SLC35F1: variants seen among roughly 807,000 people sequenced by gnomAD.
The protein encoded by SLC35F1 is chromosome 6 open reading frame 169.
Under a neutral mutation model 48.7 loss-of-function variants are expected in SLC35F1, and 14 were observed. The observed-to-expected ratio is 0.29, with a 90% CI of 0.19 to 0.45. The LOEUF is 0.45. SLC35F1 is among the 20% of genes least tolerant of loss of function. The pLI, the probability that SLC35F1 is intolerant of heterozygous loss-of-function variation, is 1.00. For missense variants in SLC35F1, 404 were observed against 500.0 expected (o/e 0.81, Z 1.83); for synonymous variants, 190 against 202.2 (o/e 0.94, Z 0.51).
intron 1 of SLC35F1, among the ~76,000 whole-genome samples, chr6:118,110,043 T>C (rs1377415467): frequency 3.3e-5 from 5 of 152,168 alleles, no homozygotes; most frequent in Non-Finnish European, 7.4e-5. Flanking sequence ...CGGTAAGTCT[T>C]ACAAAGGAAA....
At chr6:118,033,218 G>A (rs899491171) in intron 1 of SLC35F1, among the ~76,000 whole-genome samples, 3 of 147,634 alleles carry the variant, frequency 2.0e-5, no homozygotes, top group Non-Finnish European at 2.9e-5. Context: ...TTATTGAATG[G>A]CATTTTATTG....
chr6:118,001,929 A>G (rs1271693878), intron 1 of SLC35F1, among the ~76,000 whole-genome samples: 6 of 150,212 alleles, frequency 4.0e-5, no homozygotes, highest in East Asian at 2.0e-4. Context: ...TAGAATGGCA[A>G]TCATTAAAAA....
intron 1 of SLC35F1, among the ~76,000 whole-genome samples, chr6:118,106,459 A>G (rs1260469727): frequency 6.6e-6 from 1 of 152,146 alleles, no homozygotes; most frequent in Non-Finnish European, 1.5e-5. Context: ...TTACCCTGCC[A>G]TGTACTCCAT....
chr6:118,070,664 C>G (rs1041108610), intron 1 of SLC35F1, among the ~76,000 whole-genome samples: 2 of 151,526 alleles, frequency 1.3e-5, no homozygotes, highest in African/African-American at 4.8e-5. Context: ...CAGAATATTT[C>G]TAAATAATAT....
chr6:118,190,567 G>C (rs1166670802), intron 2 of SLC35F1, among the ~76,000 whole-genome samples: 1 of 152,114 alleles, frequency 6.6e-6, no homozygotes, highest in Non-Finnish European at 1.5e-5. Flanking sequence ...TCATTCATAG[G>C]TTTGGTATCC....
At position 118,315,275 on chromosome 6, in the gene SLC35F1, A is replaced by T. The variant is rs1776418060; in HGVS notation, c.*1023A>T. 6.6e-6 allele frequency: 1 copy of T among 152,546 alleles called. No individual in the cohort carries two copies. Among genetic ancestry groups the T allele is most frequent in the African/African-American group, 2.4e-5 (1 of 41,416 alleles). The allele number at this position is 152,546 out of a possible 1,614,324, so 9.4% of individuals were successfully genotyped here. A position where few individuals can be genotyped will look rare whatever the true frequency, so the allele number is the denominator to read the frequency against. ...ATTGTGGAAAATCATTGGTTGTGCC[A>T]CCTCCTAACAAAGTCAAGGTGCTGA... is the stretch of plus-strand genomic sequence containing the variant. On this transcript the variant is annotated 3_prime_UTR_variant, in exon 8 of 8. Coordinates refer to ENST00000360388, the MANE Select transcript of SLC35F1 (RefSeq NM_001029858.4).
chr6:118,015,444 G>A (rs1349447826), intron 1 of SLC35F1, among the ~76,000 whole-genome samples: 3 of 151,252 alleles, frequency 2.0e-5, no homozygotes, highest in Admixed American at 1.3e-4. Flanking sequence ...CTCCTTCCTT[G>A]TACCCTTTAT....
intron 1 of SLC35F1, among the ~76,000 whole-genome samples, chr6:118,087,854 A>T (rs1328299129): frequency 6.6e-6 from 1 of 152,212 alleles, no homozygotes; most frequent in African/African-American, 2.4e-5. Flanking sequence ...CATGTAAGAT[A>T]GTGAGCACCT....
chr6:118,052,848 T>C (rs1772410063), intron 1 of SLC35F1, among the ~76,000 whole-genome samples: 1 of 152,178 alleles, frequency 6.6e-6, no homozygotes, highest in African/African-American at 2.4e-5. Context: ...AAAAATGTAG[T>C]TTCTTTCCCT....
chr6:118,033,425 T>G (rs532178523), intron 1 of SLC35F1, among the ~76,000 whole-genome samples: 2 of 152,310 alleles, frequency 1.3e-5, no homozygotes, highest in African/African-American at 4.8e-5. Context: ...GAGTTATTTT[T>G]GGGTGCATTA....
chr6:118,224,511 G>A (rs1775190000), intron 2 of SLC35F1, among the ~76,000 whole-genome samples: 1 of 152,036 alleles, frequency 6.6e-6, no homozygotes, highest in Non-Finnish European at 1.5e-5. Flanking sequence ...CCTCCCACCT[G>A]AGCCTCCTGA....
At chr6:118,109,149 G>A (rs1394587274) in intron 1 of SLC35F1, among the ~76,000 whole-genome samples, 1 of 152,160 alleles carries the variant, frequency 6.6e-6, no homozygotes, top group East Asian at 1.9e-4. Flanking sequence ...GAAAAAGTAA[G>A]GCAAAGCGTT....
At position 118,154,601 on chromosome 6, in the gene SLC35F1, C is replaced by T; in HGVS notation, c.330C>T (p.Thr110=). ...NYILLFLVYT[T]TLAVRQGEEN... is the part of the protein sequence containing the mutation. ...TTCTTCTCTTCTTGGTCTATACCAC[C>T]ACACTAGCCGTCAGACAAGGTAAGC... Residue 110 remains threonine, a synonymous_variant, in exon 2 of 8, where the codon ACC becomes ACT. Transcript: ENST00000360388. The T allele has an allele frequency of 6.2e-7, 1 of 1,611,658 alleles. No individual in the cohort carries two copies. The highest frequency in any genetic ancestry group is 8.5e-7 in the Non-Finnish European group (1 of 1,178,914).
intron 1 of SLC35F1, among the ~76,000 whole-genome samples, chr6:118,076,736 T>G (rs1772824537): frequency 6.6e-6 from 1 of 152,220 alleles, no homozygotes. Context: ...AAATAATTCA[T>G]ATTCTCACCA....
At chr6:117,978,350 G>A (rs946154864) in intron 1 of SLC35F1, among the ~76,000 whole-genome samples, 1 of 150,844 alleles carries the variant, frequency 6.6e-6, no homozygotes, top group African/African-American at 2.4e-5. Flanking sequence ...CCAGTTGTAT[G>A]GAGTCTGTCA....
At position 118,119,130 on chromosome 6, in the gene SLC35F1, A is replaced by G. The variant is rs1415642275; in HGVS notation, c.174-35315A>G. Reference sequence around the variant, plus strand: ...GCTTAAAGTAAGATAAGTATTGCTCAGTGGTCATTCCTTCATATGTCTGAG... The same window carrying G: ...GCTTAAAGTAAGATAAGTATTGCTCGGTGGTCATTCCTTCATATGTCTGAG... On this transcript the variant is annotated intron_variant, in intron 1 of 7. Transcript: ENST00000360388. Among the ~76,000 whole-genome samples the G allele has an allele frequency of 2.0e-5, 3 of 152,128 alleles. No homozygotes were observed. In the East Asian group the frequency reaches 5.8e-4, roughly 29 times the overall value.
chr6:117,963,734 C>G (rs556917942), intron 1 of SLC35F1, among the ~76,000 whole-genome samples: 1 of 152,082 alleles, frequency 6.6e-6, no homozygotes, highest in African/African-American at 2.4e-5. Flanking sequence ...TTATTGATGA[C>G]CCTTACTTTG....
chr6:118,133,843 T>C (rs1456604988), intron 1 of SLC35F1, among the ~76,000 whole-genome samples: 2 of 152,212 alleles, frequency 1.3e-5, no homozygotes, highest in Non-Finnish European at 2.9e-5. Flanking sequence ...CTGTGGGCAT[T>C]CTCAGGAGGC....
At chr6:118,096,278 C>A (rs1419389075) in intron 1 of SLC35F1, among the ~76,000 whole-genome samples, 1 of 152,160 alleles carries the variant, frequency 6.6e-6, no homozygotes, top group Non-Finnish European at 1.5e-5. Flanking sequence ...AGCCTTGGTA[C>A]AACTTGGCCT....
Sources: allele counts gnomAD v4.1 joint callset (sites outside exome capture counted in the v4.1 genomes callset), GRCh38; gene constraint gnomAD v4.1.1; transcripts MANE v1.5; gene names NCBI Gene and HGNC (gene_info 2026-07-23, HGNC 2026-07-21).